AKT3: variants seen among roughly 807,000 people sequenced by gnomAD.
The protein encoded by AKT3 is AKT serine/threonine kinase 3.
AKT3 carries 15 observed loss-of-function variants against 65.3 expected under a neutral mutation model. The ratio of observed to expected loss-of-function variants is 0.23; its 90% CI spans 0.15 to 0.35. AKT3 has a LOEUF of 0.35. AKT3 is among the 10% of genes least tolerant of loss of function. The probability of loss-of-function intolerance (pLI) is 1.00; values close to 1 mark genes in which losing one functional copy is unlikely to be tolerated. For synonymous variants in AKT3, 206 were observed against 183.8 expected, an observed-to-expected ratio of 1.12 and a Z score of -0.98; for missense variants, 243 against 576.5, an observed-to-expected ratio of 0.42 and a Z score of 5.92.
chr1:243,573,169 A>C, intron 8 of AKT3, 121 bp from the exon 9 acceptor site: 5 of 1,165,614 alleles, frequency 4.3e-6, no homozygotes, highest in Non-Finnish European at 5.9e-6. Context: ...CTCTCAGTGG[A>C]CACTGAGCAC....
chr1:243,602,419 A>G (rs1194322913), intron 8 of AKT3, among the ~76,000 whole-genome samples: 1 of 152,142 alleles, frequency 6.6e-6, no homozygotes, highest in African/African-American at 2.4e-5. Context: ...ACCTGACAAT[A>G]AAGATGTTTA....
chr1:243,728,527 A>G (rs573912121), intron 2 of AKT3, among the ~76,000 whole-genome samples: 1 of 152,228 alleles, frequency 6.6e-6, no homozygotes, highest in South Asian at 2.1e-4. Context: ...GCATCATACT[A>G]GCAATTGTGA....
chr1:243,748,162 T>C (rs1369183802), intron 2 of AKT3, among the ~76,000 whole-genome samples: 2 of 152,180 alleles, frequency 1.3e-5, no homozygotes, highest in African/African-American at 2.4e-5. Context: ...TGCTGGTGTG[T>C]CTGGTTTTTT....
intron 3 of AKT3, among the ~76,000 whole-genome samples, chr1:243,666,539 T>C (rs949946231): frequency 1.3e-5 from 2 of 152,094 alleles, no homozygotes; most frequent in East Asian, 3.9e-4. Flanking sequence ...CTCAGTATTT[T>C]CCCCCTAAAA....
At chr1:243,549,591 C>CATTTT (rs983933971) in intron 11 of AKT3, among the ~76,000 whole-genome samples, 1 of 151,948 alleles carries the variant, frequency 6.6e-6, no homozygotes, top group Non-Finnish European at 1.5e-5. Context: ...CCATACCCAG[C>CATTTT]ATTTTATTTT....
At chr1:243,714,572 T>C (rs971575304) in intron 2 of AKT3, among the ~76,000 whole-genome samples, 3 of 152,174 alleles carry the variant, frequency 2.0e-5, no homozygotes, top group African/African-American at 7.2e-5. Flanking sequence ...TCAGTAAACC[T>C]AGATGCAAGA....
At chr1:243,628,989 T>A (rs1037438955) in intron 6 of AKT3, among the ~76,000 whole-genome samples, 1 of 152,172 alleles carries the variant, frequency 6.6e-6, no homozygotes, top group Non-Finnish European at 1.5e-5. Context: ...GACTATTAAA[T>A]GGATGTGCCA....
intron 2 of AKT3, among the ~76,000 whole-genome samples, chr1:243,747,533 T>G (rs1688549316): frequency 6.6e-6 from 1 of 152,192 alleles, no homozygotes; most frequent in Non-Finnish European, 1.5e-5. Context: ...TTCTACCCAG[T>G]ACAGCCCAGT....
At chr1:243,544,275 G>A (rs572482336) in intron 12 of AKT3, among the ~76,000 whole-genome samples, 1 of 149,730 alleles carries the variant, frequency 6.7e-6, no homozygotes. Flanking sequence ...GCAGGGGGAG[G>A]GGGGGACAGA....
chr1:243,807,916 C>G (rs1692849985), intron 2 of AKT3, among the ~76,000 whole-genome samples: 1 of 152,176 alleles, frequency 6.6e-6, no homozygotes, highest in Non-Finnish European at 1.5e-5. Context: ...GATACCCAGG[C>G]AAACAGTGTC....
At chr1:243,655,635 C>G (rs963247645) in intron 4 of AKT3, among the ~76,000 whole-genome samples, 6 of 152,110 alleles carry the variant, frequency 3.9e-5, no homozygotes, top group African/African-American at 1.2e-4. Context: ...GTTGAATCAC[C>G]TTCACTCAAT....
chr1:243,645,817 T>C (rs1455351119), intron 5 of AKT3, 76 bp downstream of exon 5: 1 of 1,391,840 alleles, frequency 7.2e-7, no homozygotes, highest in Non-Finnish European at 9.6e-7. Context: ...CTGACATCTT[T>C]CTGCAAATGG....
rs748291999 is a variant in AKT3 at position 243,531,069 on chromosome 1, TTCTA to T, written c.1251+14437_1251+14440del. Among the ~76,000 whole-genome samples the T allele has an allele frequency of 5.3e-4, 80 of 152,230 alleles. No homozygotes were observed. The Middle Eastern group carries it at 0.014, about 26-fold the overall frequency. On this transcript the variant is annotated intron_variant, in intron 12 of 13. Transcript: ENST00000673466. ...CTTCCTACTCATTGATGTTCAACCA[TTCTA>T]TCTATCTATCTATCCATCCCTCTCT...
intron 2 of AKT3, among the ~76,000 whole-genome samples, chr1:243,741,062 T>C (rs1688124086): frequency 6.6e-6 from 1 of 152,176 alleles, no homozygotes; most frequent in Non-Finnish European, 1.5e-5. Context: ...TCTGGGAAAT[T>C]TATATCATTA....
intron 2 of AKT3, among the ~76,000 whole-genome samples, chr1:243,788,394 T>C (rs1052658855): frequency 1.3e-5 from 2 of 152,340 alleles, no homozygotes; most frequent in East Asian, 1.9e-4. Flanking sequence ...ATTTCCACTA[T>C]AAATTCATTA....
chr1:243,772,044 T>C (rs1690218224), intron 2 of AKT3, among the ~76,000 whole-genome samples: 1 of 152,196 alleles, frequency 6.6e-6, no homozygotes, highest in African/African-American at 2.4e-5. Flanking sequence ...TAATTCAAGA[T>C]GGATTAAAGA....
At chr1:243,828,982 C>T (rs1694339243) in intron 2 of AKT3, among the ~76,000 whole-genome samples, 1 of 152,114 alleles carries the variant, frequency 6.6e-6, no homozygotes, top group Non-Finnish European at 1.5e-5. Context: ...ATTACGGTAT[C>T]ATTTATGTAA....
rs1029686251 is a variant in AKT3 at position 243,513,578 on chromosome 1, G to A, written c.1252-1152C>T. Among the ~76,000 whole-genome samples the A allele has an allele frequency of 3.3e-5, 5 of 152,212 alleles. No homozygotes were observed. In the East Asian group the frequency reaches 5.8e-4, roughly 18 times the overall value. ...ACTATATTTTTAAGAATCGTGGGATGAGCAGAATTAAAAGCAGGTTTTCAA... is the reference window on the plus strand; with the variant it reads ...ACTATATTTTTAAGAATCGTGGGATAAGCAGAATTAAAAGCAGGTTTTCAA... On this transcript the variant is annotated intron_variant, in intron 12 of 13. Coordinates refer to ENST00000673466, the MANE Select transcript of AKT3 (RefSeq NM_005465.7).
intron 2 of AKT3, among the ~76,000 whole-genome samples, chr1:243,712,149 G>A (rs1217041222): frequency 1.3e-5 from 2 of 152,228 alleles, no homozygotes; most frequent in East Asian, 1.9e-4. Flanking sequence ...GTAAATACAT[G>A]GACATAATCC....
Sources: gnomAD v4.1 joint callset for allele counts (sites outside exome capture counted in the v4.1 genomes callset) on GRCh38, gnomAD v4.1.1 for gene constraint, MANE v1.5 for transcripts, NCBI Gene and HGNC (gene_info 2026-07-23, HGNC 2026-07-21) for gene names.